The following PTPRB variants were observed in gnomAD, a reference collection of about 807,000 sequenced individuals.
PTPRB encodes the protein protein tyrosine phosphatase receptor type B.
PTPRB carries 97 observed loss-of-function variants against 238.1 expected under a neutral mutation model. The observed-to-expected ratio is 0.41, with a 90% CI of 0.35 to 0.48. The LOEUF is 0.48. Ranked by LOEUF, PTPRB falls within the 20% of genes least tolerant of loss-of-function variation. PTPRB has a pLI of 0.30. For missense variants in PTPRB, 2,292 were observed against 2,681.9 expected (o/e 0.85, Z 3.21); for synonymous variants, 970 against 995.4 (o/e 0.97, Z 0.48).
intron 4 of PTPRB, among the ~76,000 whole-genome samples, chr12:70,604,017 A>G (rs760712507): frequency 6.6e-6 from 1 of 152,292 alleles, no homozygotes; most frequent in South Asian, 2.1e-4. Flanking sequence ...AAAGCACAAA[A>G]CAGGCTGGCC....
chr12:70,552,219 C>T (rs956120899), intron 21 of PTPRB, among the ~76,000 whole-genome samples: 2 of 152,126 alleles, frequency 1.3e-5, no homozygotes, highest in Admixed American at 6.5e-5. Context: ...CATGGTGGCT[C>T]ACACCTGTAA....
In PTPRB at chr12:70,581,274, C is replaced by T. The variant is rs751607142; in HGVS notation, c.2340G>A (p.Val780=). Residue 780 remains valine (V), a synonymous_variant, in exon 10 of 34, where the codon GTG becomes GTA. Coordinates refer to ENST00000334414, the MANE Select transcript of PTPRB (RefSeq NM_001109754.4). ...GACTACTGGTCATTCCTTGGTTGGC[C>T]ACATGCAAGTCAGTCACTTGGGCAG... is the stretch of plus-strand genomic sequence containing the variant. ...TVPAQVTDLH[V]ANQGMTSSLF... is the part of the protein sequence containing the mutation. 72 of 1,613,452 alleles carry T rather than the reference C, an allele frequency of 4.5e-5. 1 individual carries two copies. In the South Asian group the frequency reaches 4.9e-4, roughly 11 times the overall value.
At position 70,532,174 on chromosome 12, in the gene PTPRB, G is replaced by A. The variant is rs1295111383; in HGVS notation, c.6369-4C>T. 1 of 1,582,818 alleles carries A rather than the reference G, an allele frequency of 6.3e-7. No homozygotes were observed. The highest frequency in any genetic ancestry group is 2.3e-5 in the East Asian group (1 of 43,988). ...TCCAGTCCTACCCACACCAGCACTA[G>A]AAGAGATGGCAAAGGAAGATTGAGC... On this transcript the variant is annotated splice_polypyrimidine_tract_variant and splice_region_variant and intron_variant, in intron 31 of 33. Transcript: ENST00000334414.
chr12:70,606,812 C>T (rs984287900), intron 4 of PTPRB, among the ~76,000 whole-genome samples: 1 of 152,124 alleles, frequency 6.6e-6, no homozygotes, highest in African/African-American at 2.4e-5. Context: ...TAAAAAATTC[C>T]TCCCTGAAAC....
chr12:70,545,502 T>C (rs1353141393), intron 21 of PTPRB, among the ~76,000 whole-genome samples: 1 of 152,170 alleles, frequency 6.6e-6, no homozygotes, highest in East Asian at 1.9e-4. Context: ...TCTTGGAAAC[T>C]TGAAAGACAA....
rs374912045 is a variant in PTPRB, at chr12:70,581,100, G to T, written c.2514C>A (p.Ser838=). 7.4e-6 allele frequency: 12 copies of T among 1,613,856 alleles called. No individual in the cohort carries two copies. Among genetic ancestry groups the T allele is most frequent in the African/African-American group, 2.7e-5 (2 of 74,912 alleles). Residue 838 remains serine (S), a synonymous_variant, in exon 10 of 34, where the codon TCC becomes TCA. Coordinates refer to ENST00000334414, the MANE Select transcript of PTPRB (RefSeq NM_001109754.4). ...CTCCACTCACTGTTGTTACCACCAC[G>T]GAGTACAGGCTGCCGGACTTGAGAG... The part of the protein sequence containing the change: ...FHSLKSGSLY[S]VVVTTVSGGI...
intron 3 of PTPRB, among the ~76,000 whole-genome samples, chr12:70,621,203 C>T (rs1884914081): frequency 6.6e-6 from 1 of 152,076 alleles, no homozygotes; most frequent in Non-Finnish European, 1.5e-5. Context: ...AGATCTGAAA[C>T]CATAATTATC....
chr12:70,530,172 AAT>A (rs1161154772), intron 32 of PTPRB, among the ~76,000 whole-genome samples: 1 of 152,322 alleles, frequency 6.6e-6, no homozygotes, highest in East Asian at 1.9e-4. Flanking sequence ...ATGAAAACCA[AAT>A]ATAGTTTTTT....
intron 3 of PTPRB, among the ~76,000 whole-genome samples, chr12:70,609,584 T>A (rs1224528280): frequency 6.6e-6 from 1 of 152,178 alleles, no homozygotes; most frequent in African/African-American, 2.4e-5. Context: ...GACAGCTGGA[T>A]AAGCTGTCAT....
Position 70,560,758 on chromosome 12 carries a change from C to T in PTPRB, c.4345G>A (p.Gly1449Ser), listed in dbSNP as rs1370264411. Residue 1449 changes from glycine to serine, a missense_variant, in exon 17 of 34, where the codon GGC (glycine) becomes AGC (serine). By Grantham distance (56) the Gly-to-Ser change is moderately conservative. Around this residue, in one of 4 missense-constraint regions of PTPRB, gnomAD observed 683 missense variants for 862.0 expected, o/e 0.79. Coordinates refer to ENST00000334414, the MANE Select transcript of PTPRB (RefSeq NM_001109754.4). The surrounding 1 kb of genome is among the most constrained non-coding windows in gnomAD (Gnocchi z 4.2). ...ACGTACTTCCTTCCAGGAACAAGGC[C>T]TTGAAACCGCCACTCCGTCAGGTCC... Reference protein sequence around the residue: ...DKDLTEWRFQGLVPGRKYVLW... With the variant: ...DKDLTEWRFQSLVPGRKYVLW... 6.2e-7 allele frequency: 1 copy of T among 1,613,928 alleles called. No individual in the cohort carries two copies. Among genetic ancestry groups the T allele is most frequent in the Admixed American group, 1.7e-5 (1 of 60,014 alleles).
intron 4 of PTPRB, among the ~76,000 whole-genome samples, chr12:70,604,697 G>A (rs1179626185): frequency 1.3e-5 from 2 of 152,124 alleles, no homozygotes; most frequent in Admixed American, 6.5e-5. Flanking sequence ...GTGGAGATAC[G>A]GCCTTTAAAG....
At chr12:70,614,178 A>T (rs1235030362) in intron 3 of PTPRB, among the ~76,000 whole-genome samples, 1 of 152,202 alleles carries the variant, frequency 6.6e-6, no homozygotes, top group African/African-American at 2.4e-5. Context: ...TGCTGGGGAT[A>T]GAGCTCAATA....
intron 22 of PTPRB, among the ~76,000 whole-genome samples, chr12:70,543,954 T>C (rs1481793990): frequency 6.6e-6 from 1 of 152,230 alleles, no homozygotes; most frequent in African/African-American, 2.4e-5. Flanking sequence ...TAAAACTATG[T>C]CTCCATAGAG....
intron 31 of PTPRB, among the ~76,000 whole-genome samples, chr12:70,533,926 CTAT>C (rs773808863): frequency 9.9e-5 from 15 of 152,254 alleles, no homozygotes; most frequent in Non-Finnish European, 1.8e-4. Flanking sequence ...AGATAAATTT[CTAT>C]TATTTATTAT....
At chr12:70,548,096 G>A (rs1876294341) in intron 21 of PTPRB, among the ~76,000 whole-genome samples, 1 of 152,120 alleles carries the variant, frequency 6.6e-6, no homozygotes, top group South Asian at 2.1e-4. Flanking sequence ...GGAGGCCAAG[G>A]CAGGCAGATC....
At chr12:70,529,675 G>T (rs1473742415) in intron 32 of PTPRB, among the ~76,000 whole-genome samples, 1 of 152,126 alleles carries the variant, frequency 6.6e-6, no homozygotes. Flanking sequence ...ATGATACAGG[G>T]TTATATAATT....
At position 70,581,160 on chromosome 12, in the gene PTPRB, G is replaced by C; in HGVS notation, c.2454C>G (p.Ser818Arg). Residue 818 changes from serine (S) to arginine (R), a missense_variant, in exon 10 of 34, where the codon AGC becomes AGG. By Grantham distance (110) the Ser-to-Arg change is moderately radical. This residue lies in a region of PTPRB where 1,205 missense variants were observed against 1,287.8 expected (regional missense o/e 0.94). Transcript: ENST00000334414. ...IHENVVIKNE[S>R]ISSETSRYSF... is the part of the protein sequence containing the mutation. ...TGTATCTGCTGGTCTCACTGGAGAT[G>C]CTTTCATTTTTAATGACCACATTTT... 1 of 1,613,988 alleles carries C rather than the reference G, an allele frequency of 6.2e-7. No homozygotes were observed. The highest frequency in any genetic ancestry group is 8.5e-7 in the Non-Finnish European group (1 of 1,179,882).
intron 3 of PTPRB, among the ~76,000 whole-genome samples, chr12:70,621,715 T>C (rs1884943493): frequency 6.6e-6 from 1 of 152,220 alleles, no homozygotes; most frequent in Non-Finnish European, 1.5e-5. Flanking sequence ...AAAGCTGAAG[T>C]CTGCCAGTGG....
intron 10 of PTPRB, 64 bp downstream of exon 10, chr12:70,580,972 C>T: frequency 6.6e-7 from 1 of 1,512,292 alleles, no homozygotes. Flanking sequence ...CTATAATATT[C>T]TGATTAGGGG....
Sources: gnomAD v4.1 joint callset for allele counts (sites outside exome capture counted in the v4.1 genomes callset) on GRCh38, gnomAD v4.1.1 for gene constraint, gnomAD v4.1.1 regional missense constraint, Gnocchi (gnomAD v3.1) non-coding constraint, MANE v1.5 for transcripts, NCBI Gene and HGNC (gene_info 2026-07-23, HGNC 2026-07-21) for gene names.